CEP20: variants seen among roughly 807,000 people sequenced by gnomAD.
CEP20 encodes FGFR1OP N-terminal like.
In CEP20, 18 loss-of-function variants were observed where a neutral mutation model predicts 20.0. The ratio of observed to expected loss-of-function variants is 0.90; its 90% CI spans 0.62 to 1.34. CEP20 has a LOEUF of 1.34. Ranked by LOEUF, CEP20 falls within the 40% of genes most tolerant of loss-of-function variation. CEP20 has a pLI of 0.00. For synonymous variants in CEP20, 77 were observed against 73.7 expected (o/e 1.04, Z -0.23); for missense variants, 215 against 201.6 (o/e 1.07, Z -0.40).
At chr16:15,876,852 CTT>C (rs150019067) in intron 3 of CEP20, among the ~76,000 whole-genome samples, 11 of 135,890 alleles carry the variant, frequency 8.1e-5, no homozygotes, top group Admixed American at 1.5e-4. Flanking sequence ...CTCAAACTTA[CTT>C]TTTTTTTTTT....
chr16:15,883,784 T>C (rs1325748830), intron 2 of CEP20, among the ~76,000 whole-genome samples: 2 of 152,208 alleles, frequency 1.3e-5, no homozygotes, highest in Non-Finnish European at 2.9e-5. Context: ...ACAGGAATTA[T>C]AGATGATTTT....
At chr16:15,872,636 C>A (rs1335141286) in intron 4 of CEP20, among the ~76,000 whole-genome samples, 4 of 151,934 alleles carry the variant, frequency 2.6e-5, no homozygotes, top group African/African-American at 4.8e-5. Context: ...TTGAGCCCGG[C>A]AGTTCAAGGT....
chr16:15,888,097 A>G (rs56313383), intron 1 of CEP20, among the ~76,000 whole-genome samples: 26,021 of 148,914 alleles, frequency 0.17, 2,225 homozygotes, highest in East Asian at 0.22. Flanking sequence ...AAAAAAAGCA[A>G]GGAGGGGAGG....
At position 15,872,349 on chromosome 16, in the gene CEP20, A is replaced by G. The variant is rs561884706; in HGVS notation, c.448+1142T>C. On this transcript the variant is annotated intron_variant, in intron 4 of 4. Coordinates refer to ENST00000255759, the MANE Select transcript of CEP20 (RefSeq NM_144600.4). ...AAAAATTGATCAGCTCTCTACCACA[A>G]CTGAAAACACTGAGCTATAACCCAC... Among the ~76,000 whole-genome samples, 16 of 152,122 alleles carry G rather than the reference A, an allele frequency of 1.1e-4. No individual in the cohort carries two copies. The South Asian group carries it at 1.5e-3, about 14-fold the overall frequency.
intron 2 of CEP20, among the ~76,000 whole-genome samples, chr16:15,882,770 T>TACACACACACACACACACACA (rs1218534204): frequency 1.3e-5 from 1 of 78,900 alleles, no homozygotes; most frequent in East Asian, 4.0e-4. Context: ...TATCTATCTA[T>TACACACACACACACACACACA]CTATCTATCT....
chr16:15,881,506 T>C (rs1196751566), intron 2 of CEP20, among the ~76,000 whole-genome samples: 2 of 152,134 alleles, frequency 1.3e-5, no homozygotes, highest in East Asian at 3.9e-4. Flanking sequence ...AATTCTAACT[T>C]CACAAAGAAT....
rs1276379908 is a variant in CEP20, at chr16:15,884,290, TA to T, written c.29-86del. The T allele has an allele frequency of 2.9e-5, 38 of 1,301,840 alleles. No individual in the cohort carries two copies. In the East Asian group the frequency reaches 8.5e-4, roughly 29 times the overall value. 80.6% of individuals were successfully genotyped at this position (1,301,840 alleles called of 1,614,324 possible). On this transcript the variant is annotated intron_variant, in intron 1 of 4. Coordinates refer to ENST00000255759, the MANE Select transcript of CEP20 (RefSeq NM_144600.4). ...ACTTTGAAAAGAAATGTTGAAAAGG[TA>T]AATGGTACAAAAACAGCTCTCAAGC... is the stretch of plus-strand genomic sequence containing the variant.
chr16:15,869,848 C>G (rs751636755), intron 4 of CEP20, among the ~76,000 whole-genome samples: 10 of 152,166 alleles, frequency 6.6e-5, no homozygotes, highest in Non-Finnish European at 1.3e-4. Flanking sequence ...TTTCAAGGCA[C>G]TACACAAAGA....
intron 3 of CEP20, among the ~76,000 whole-genome samples, chr16:15,874,198 T>C (rs567995828): frequency 1.1e-4 from 16 of 152,320 alleles, no homozygotes; most frequent in Admixed American, 3.3e-4. Context: ...AATGAGTTAA[T>C]AAATGTCAAG....
Position 15,867,474 on chromosome 16 carries a change from T to C in CEP20, c.491A>G (p.Glu164Gly). 2 of 1,603,698 alleles carry C rather than the reference T, an allele frequency of 1.2e-6. No individual in the cohort carries two copies. Among genetic ancestry groups the C allele is most frequent in the Non-Finnish European group, 8.5e-7 (1 of 1,173,304 alleles). The change falls in exon 5 of 5, where the codon GAA becomes GGA. Residue 164 changes from glutamate to glycine, a missense_variant. Transcript: ENST00000255759. ...GACTGCCTGAGAAACATGAAGATCT[T>C]CAATGTTAGTACTTTTCTGTTCCTC... The part of the protein sequence containing the change: ...RKEEQKSTNI[E>G]DLHVSQAVNR
chr16:15,867,896 C>G (rs2044718968), intron 4 of CEP20, among the ~76,000 whole-genome samples: 1 of 148,860 alleles, frequency 6.7e-6, no homozygotes, highest in African/African-American at 2.5e-5. Context: ...TTGCTTGAAC[C>G]TGGGAGGCAG....
chr16:15,879,367 C>T (rs907747771), intron 3 of CEP20, among the ~76,000 whole-genome samples: 1 of 151,944 alleles, frequency 6.6e-6, no homozygotes, highest in African/African-American at 2.4e-5. Flanking sequence ...GTCTCAGAGG[C>T]CAGGCATGGA....
At chr16:15,871,681 T>G (rs2044823500) in intron 4 of CEP20, among the ~76,000 whole-genome samples, 1 of 152,178 alleles carries the variant, frequency 6.6e-6, no homozygotes, top group African/African-American at 2.4e-5. Context: ...TGGAACCTTC[T>G]TAAAGTTTTC....
chr16:15,872,693 G>A (rs2044850362), intron 4 of CEP20, among the ~76,000 whole-genome samples: 1 of 151,626 alleles, frequency 6.6e-6, no homozygotes. Context: ...AGGCGACAGA[G>A]TGACTAGAAA....
intron 2 of CEP20, among the ~76,000 whole-genome samples, chr16:15,881,213 T>C (rs1160637327): frequency 6.6e-6 from 1 of 152,052 alleles, no homozygotes; most frequent in African/African-American, 2.4e-5. Context: ...GTTTAAAAGG[T>C]AAATTTTATT....
intron 3 of CEP20, among the ~76,000 whole-genome samples, chr16:15,875,559 G>C (rs1394470238): frequency 6.6e-6 from 1 of 152,156 alleles, no homozygotes; most frequent in Non-Finnish European, 1.5e-5. Flanking sequence ...GCTGAGGTGA[G>C]AGGATCGCTT....
chr16:15,867,144 A>C lies in CEP20; in HGVS notation c.*296T>G. The stretch of plus-strand genomic sequence containing the variant: ...AATCACTTGAATCCGGGAGGCAGAG[A>C]TTGCAGTGAGCCGAGATCGTGCCAC... On this transcript the variant is annotated 3_prime_UTR_variant, in exon 5 of 5. Transcript: ENST00000255759. 4.9e-6 allele frequency: 1 copy of C among 202,148 alleles called. No individual in the cohort carries two copies. Among genetic ancestry groups the C allele is most frequent in the Non-Finnish European group, 1.0e-5 (1 of 99,388 alleles). The allele number at this position is 202,148 out of a possible 1,614,324, so 12.5% of individuals were successfully genotyped here. A position where few individuals can be genotyped will look rare whatever the true frequency, so the allele number is the denominator to read the frequency against.
chr16:15,879,012 C>CTT (rs201473289), intron 3 of CEP20, among the ~76,000 whole-genome samples: 30 of 135,442 alleles, frequency 2.2e-4, no homozygotes, highest in African/African-American at 7.5e-4. Flanking sequence ...CTCCTATGTA[C>CTT]TTTTTTTTTT....
rs10656021 is a variant in CEP20, at chr16:15,873,504, T to TCTA, written c.432_434dup (p.Ser144dup). ...GAAAACTCATACCCATTGGCTTTCT[T>TCTA]CTACTAGGTTGTCTGCCAAGACTTG... On this transcript the variant is annotated inframe_insertion, in exon 4 of 5. Coordinates refer to ENST00000255759, the MANE Select transcript of CEP20 (RefSeq NM_144600.4). The TCTA allele has an allele frequency of 0.059, 94,963 of 1,613,102 alleles. 3,622 individuals are homozygous for TCTA. The highest frequency in any genetic ancestry group is 0.2 in the East Asian group (9,120 of 44,826).
Sources: gnomAD v4.1 joint callset for allele counts (sites outside exome capture counted in the v4.1 genomes callset) on GRCh38, gnomAD v4.1.1 for gene constraint, MANE v1.5 for transcripts, NCBI Gene and HGNC (gene_info 2026-07-23, HGNC 2026-07-21) for gene names.